Variants in FNIP1 observed in about 807,000 individuals in gnomAD.
The protein encoded by FNIP1 is folliculin interacting protein 1, also known as folliculin-interacting protein 1.
Under a neutral mutation model 124.5 loss-of-function variants are expected in FNIP1, and 40 were observed. The observed-to-expected ratio is 0.32, with a 90% CI of 0.25 to 0.42. The LOEUF is 0.42. Among genes scored for constraint, FNIP1 ranks in the 10% least tolerant of loss-of-function variants. FNIP1 has a pLI of 1.00. For synonymous variants in FNIP1, 472 were observed against 470.6 expected, an observed-to-expected ratio of 1.00 and a Z score of -0.04; for missense variants, 1,176 against 1,403.7, an observed-to-expected ratio of 0.84 and a Z score of 2.59.
chr5:131,694,202 C>T (rs548846088), intron 11 of FNIP1, among the ~76,000 whole-genome samples: 1 of 152,246 alleles, frequency 6.6e-6, no homozygotes, highest in South Asian at 2.1e-4. Context: ...CCATAATATC[C>T]AGCAATCATG....
chr5:131,705,777 G>A (rs1175186962), intron 9 of FNIP1, among the ~76,000 whole-genome samples: 1 of 151,992 alleles, frequency 6.6e-6, no homozygotes, highest in African/African-American at 2.4e-5. Flanking sequence ...ATGGGGACTC[G>A]AACAGATACT....
In FNIP1 at chr5:131,676,900, C is replaced by T. The variant is rs150559058; in HGVS notation, c.1519+803G>A. 3.8e-4 allele frequency among the ~76,000 whole-genome samples: 58 copies of T among 152,168 alleles called. 1 individual carries two copies. The highest frequency in any genetic ancestry group is 1.4e-3 in the African/African-American group (57 of 41,504). Reference sequence around the variant, plus strand: ...ATATGACATATTGCCATATGACAATCCACCTGGCAAGCTCAATCACAGAGC... The same window carrying T: ...ATATGACATATTGCCATATGACAATTCACCTGGCAAGCTCAATCACAGAGC... On this transcript the variant is annotated intron_variant, in intron 13 of 17. Coordinates refer to ENST00000510461, the MANE Select transcript of FNIP1 (RefSeq NM_133372.3).
At chr5:131,684,246 G>T (rs1768192474) in intron 11 of FNIP1, among the ~76,000 whole-genome samples, 1 of 152,164 alleles carries the variant, frequency 6.6e-6, no homozygotes, top group African/African-American at 2.4e-5. Context: ...TCTAAACTAG[G>T]AACATATGCG....
At chr5:131,754,047 C>T (rs979005643) in intron 1 of FNIP1, among the ~76,000 whole-genome samples, 5 of 152,174 alleles carry the variant, frequency 3.3e-5, no homozygotes, top group South Asian at 2.1e-4. Flanking sequence ...CTCTTGACCT[C>T]GTGATGTGCC....
At chr5:131,740,268 T>C (rs1448453923) in intron 2 of FNIP1, among the ~76,000 whole-genome samples, 1 of 152,208 alleles carries the variant, frequency 6.6e-6, no homozygotes, top group Non-Finnish European at 1.5e-5. Flanking sequence ...TTTGCATATA[T>C]TGAGCTTACT....
At position 131,704,075 on chromosome 5, in the gene FNIP1, G is replaced by A; in HGVS notation, c.1106C>T (p.Ala369Val). Residue 369 changes from alanine to valine, a missense_variant, in exon 10 of 18, where the codon GCA (alanine) becomes GTA (valine). By Grantham distance (64) the Ala-to-Val change is moderately conservative. Coordinates refer to ENST00000510461, the MANE Select transcript of FNIP1 (RefSeq NM_133372.3). ...FESHMNKLKSAIEQAMKMSRR... is the reference protein window; with the variant it reads ...FESHMNKLKSVIEQAMKMSRR... The stretch of plus-strand genomic sequence containing the variant: ...AATAACTATGCTTACCTGTTCTATT[G>A]CACTCTTTAATTTGTTCATGTGGCT... 6.2e-7 allele frequency: 1 copy of A among 1,606,032 alleles called. No homozygotes were observed. The highest frequency in any genetic ancestry group is 8.5e-7 in the Non-Finnish European group (1 of 1,173,630).
At position 131,739,832 on chromosome 5, in the gene FNIP1, A is replaced by AC. The variant is rs1276666124; in HGVS notation, c.219+4731_219+4732insG. ...CAGCTCAAAAAAAAAAAAAAAAAAA[A>AC]AAAAACACTGTTTTAGATACTGAGA... On this transcript the variant is annotated intron_variant, in intron 2 of 17. Transcript: ENST00000510461. Among the ~76,000 whole-genome samples, 867 of 149,616 alleles carry AC rather than the reference A, an allele frequency of 5.8e-3. 18 individuals carry two copies. The highest frequency in any genetic ancestry group is 0.021 in the African/African-American group (820 of 39,698).
At chr5:131,769,608 T>A (rs1236019657) in intron 1 of FNIP1, among the ~76,000 whole-genome samples, 1 of 152,192 alleles carries the variant, frequency 6.6e-6, no homozygotes, top group Admixed American at 6.5e-5. Context: ...TTAACTCAAA[T>A]AAAAGGCTCT....
intron 1 of FNIP1, among the ~76,000 whole-genome samples, chr5:131,749,484 C>T (rs750920088): frequency 2.0e-5 from 3 of 151,664 alleles, no homozygotes; most frequent in South Asian, 2.1e-4. Context: ...CCTCCGCTTC[C>T]GGGTTCAAGT....
At chr5:131,713,656 C>A (rs753998691) in intron 6 of FNIP1, among the ~76,000 whole-genome samples, 3 of 152,212 alleles carry the variant, frequency 2.0e-5, no homozygotes, top group Non-Finnish European at 1.5e-5. Context: ...AACCTAAAAT[C>A]ATCAATTCTG....
intron 1 of FNIP1, among the ~76,000 whole-genome samples, chr5:131,757,137 G>A (rs897877605): frequency 6.6e-6 from 1 of 152,158 alleles, no homozygotes; most frequent in Non-Finnish European, 1.5e-5. Context: ...CACATATAGT[G>A]GTCTCAACGA....
chr5:131,726,638 AG>A (rs1382123588), intron 3 of FNIP1, among the ~76,000 whole-genome samples: 1 of 152,094 alleles, frequency 6.6e-6, no homozygotes, highest in Non-Finnish European at 1.5e-5. Context: ...GATTTTTTGA[AG>A]GGTTTTTTGT....
intron 2 of FNIP1, among the ~76,000 whole-genome samples, chr5:131,733,363 A>C (rs1015580653): frequency 1.3e-5 from 2 of 152,122 alleles, no homozygotes; most frequent in Non-Finnish European, 2.9e-5. Context: ...TTCCAACACT[A>C]TGTTGAATAG....
intron 1 of FNIP1, among the ~76,000 whole-genome samples, chr5:131,761,813 T>A (rs1403793265): frequency 1.3e-5 from 2 of 152,070 alleles, no homozygotes; most frequent in Admixed American, 6.6e-5. Flanking sequence ...AAAGCTAACC[T>A]AAGCAAAAAG....
chr5:131,657,742 A>AAAC (rs1264549936), intron 15 of FNIP1, among the ~76,000 whole-genome samples: 2 of 142,148 alleles, frequency 1.4e-5, no homozygotes, highest in Admixed American at 1.4e-4. Flanking sequence ...AAGGCAAAAA[A>AAAC]AAAAAAAAAA....
At chr5:131,742,928 A>C (rs552800462) in intron 2 of FNIP1, among the ~76,000 whole-genome samples, 3 of 152,338 alleles carry the variant, frequency 2.0e-5, no homozygotes, top group African/African-American at 7.2e-5. Flanking sequence ...ATCGATCAAA[A>C]TGTGTCCTGA....
At chr5:131,793,340 T>C (rs1464723362) in intron 1 of FNIP1, among the ~76,000 whole-genome samples, 1 of 152,144 alleles carries the variant, frequency 6.6e-6, no homozygotes, top group Non-Finnish European at 1.5e-5. Flanking sequence ...CAGCCCAAAA[T>C]AATCACTTTT....
At chr5:131,682,711 C>T (rs553175878) in intron 11 of FNIP1, among the ~76,000 whole-genome samples, 8 of 149,040 alleles carry the variant, frequency 5.4e-5, no homozygotes, top group East Asian at 2.0e-4. Flanking sequence ...AGCAAGACTC[C>T]GTCTCAAAAA....
chr5:131,676,025 A>ATT (rs34505070), intron 13 of FNIP1, among the ~76,000 whole-genome samples: 8 of 140,554 alleles, frequency 5.7e-5, no homozygotes, highest in African/African-American at 1.6e-4. Flanking sequence ...CGCCCAGCTA[A>ATT]TTTTTTTTTT....
Sources: gnomAD v4.1 joint callset for allele counts (sites outside exome capture counted in the v4.1 genomes callset) on GRCh38, gnomAD v4.1.1 for gene constraint, MANE v1.5 for transcripts, NCBI Gene and HGNC (gene_info 2026-07-23, HGNC 2026-07-21) for gene names.